MKLN1: variants seen among roughly 807,000 people sequenced by gnomAD.
MKLN1 encodes the protein muskelin.
MKLN1 carries 18 observed loss-of-function variants against 99.0 expected under a neutral mutation model. The ratio of observed to expected loss-of-function variants is 0.18; its 90% CI spans 0.13 to 0.27. The LOEUF is 0.27. Ranked by LOEUF, MKLN1 falls within the 10% of genes least tolerant of loss-of-function variation. The probability of loss-of-function intolerance (pLI) is 1.00; values close to 1 mark genes in which losing one functional copy is unlikely to be tolerated. For synonymous variants in MKLN1, 288 were observed against 293.2 expected (o/e 0.98, Z 0.18); for missense variants, 621 against 875.9 (o/e 0.71, Z 3.67).
At chr7:131,172,720 T>G (rs1340523451) in intron 2 of MKLN1, among the ~76,000 whole-genome samples, 1 of 152,224 alleles carries the variant, frequency 6.6e-6, no homozygotes, top group Non-Finnish European at 1.5e-5. Flanking sequence ...AACTGTCTCC[T>G]ATAGTAACTG....
At chr7:131,377,582 GA>G (rs749891731) in intron 2 of MKLN1, among the ~76,000 whole-genome samples, 1 of 151,846 alleles carries the variant, frequency 6.6e-6, no homozygotes, top group Non-Finnish European at 1.5e-5. Flanking sequence ...GATCTTTTCT[GA>G]AAAAAGGAAA....
chr7:131,423,144 C>T (rs1299678653), intron 8 of MKLN1, among the ~76,000 whole-genome samples: 1 of 152,050 alleles, frequency 6.6e-6, no homozygotes, highest in African/African-American at 2.4e-5. Context: ...TGAGAACCTA[C>T]GATTTAAGCC....
At chr7:131,417,332 G>A (rs994032830) in intron 8 of MKLN1, among the ~76,000 whole-genome samples, 1 of 152,168 alleles carries the variant, frequency 6.6e-6, no homozygotes, top group Non-Finnish European at 1.5e-5. Flanking sequence ...GAGCCATTTT[G>A]TACCTATTTG....
intron 2 of MKLN1, among the ~76,000 whole-genome samples, chr7:131,172,008 G>C (rs1481021990): frequency 6.6e-6 from 1 of 152,214 alleles, no homozygotes; most frequent in African/African-American, 2.4e-5. Flanking sequence ...GCCAGGTGGA[G>C]AAGAGCTGTT....
chr7:131,399,262 C>T lies in MKLN1; in HGVS notation c.532C>T (p.Arg178Cys). The T allele has an allele frequency of 3.7e-6, 6 of 1,613,898 alleles. No homozygotes were observed. The highest frequency in any genetic ancestry group is 1.3e-5 in the African/African-American group (1 of 75,016). ...YSKYREQEAI[R>C]LCLKHFRQHN... ...GTAGTACCGTGAACAGGAAGCTATT[C>T]GCCTTTGCCTAAAACACTTCAGACA... Residue 178 changes from arginine to cysteine, a missense_variant, in exon 6 of 18, where the codon CGC becomes TGC. Coordinates refer to ENST00000352689, the MANE Select transcript of MKLN1 (RefSeq NM_013255.5).
At chr7:131,464,166 T>A in intron 13 of MKLN1, 128 bp from the exon 14 acceptor site, 1 of 507,784 alleles carries the variant, frequency 2.0e-6, no homozygotes. Context: ...ACTAGAACTT[T>A]AAGATACGAT....
chr7:131,190,300 C>A (rs1796515701), intron 2 of MKLN1, among the ~76,000 whole-genome samples: 1 of 152,108 alleles, frequency 6.6e-6, no homozygotes, highest in Non-Finnish European at 1.5e-5. Flanking sequence ...TAAAGACATT[C>A]CTTCCTTCCT....
chr7:131,208,006 G>A (rs1439381515), intron 3 of MKLN1, among the ~76,000 whole-genome samples: 1 of 152,214 alleles, frequency 6.6e-6, no homozygotes. Context: ...GCCAAAAATG[G>A]AGGGAGGGGG....
chr7:131,169,040 G>T (rs1374724774), intron 2 of MKLN1, among the ~76,000 whole-genome samples: 1 of 152,068 alleles, frequency 6.6e-6, no homozygotes, highest in African/African-American at 2.4e-5. Context: ...GCTAATATTT[G>T]TATTTTTAGT....
intron 16 of MKLN1, 71 bp from the exon 17 acceptor site, chr7:131,478,552 G>GTTTTCCTTCA: frequency 3.5e-6 from 5 of 1,414,266 alleles, no homozygotes; most frequent in Non-Finnish European, 4.6e-6. Flanking sequence ...AGTTATAGAA[G>GTTTTCCTTCA]GCTATTTTCC....
At chr7:131,252,324 C>CTTTTATT (rs1797594464) in intron 3 of MKLN1, among the ~76,000 whole-genome samples, 2 of 87,142 alleles carry the variant, frequency 2.3e-5, no homozygotes, top group African/African-American at 3.5e-5. Context: ...GGACTTTTTT[C>CTTTTATT]TTTTCTTTTT....
At chr7:131,275,567 ATTTTTTTTTTT>A (rs869119196) in intron 3 of MKLN1, among the ~76,000 whole-genome samples, 36 of 5,610 alleles carry the variant, frequency 6.4e-3, no homozygotes, top group East Asian at 0.011. Flanking sequence ...ATATATATAT[ATTTTTTTTTTT>A]TTTTTTTTTT....
chr7:131,310,189 G>T (rs1798541002), intron 3 of MKLN1: 1 of 152,198 alleles, frequency 6.6e-6, no homozygotes, highest in South Asian at 2.1e-4. Context: ...AGCTACTTGT[G>T]GCAATAGTAA....
chr7:131,433,277 T>C (rs1795579707), intron 9 of MKLN1, among the ~76,000 whole-genome samples: 1 of 152,174 alleles, frequency 6.6e-6, no homozygotes, highest in Non-Finnish European at 1.5e-5. Flanking sequence ...TTTCTTAGGA[T>C]TGGATTTAGA....
intron 3 of MKLN1, among the ~76,000 whole-genome samples, chr7:131,247,482 G>C (rs1797510115): frequency 6.6e-6 from 1 of 152,102 alleles, no homozygotes; most frequent in Non-Finnish European, 1.5e-5. Context: ...CCAAAGTGCT[G>C]GGATTACAGA....
At chr7:131,297,355 G>A (rs181848843) in intron 3 of MKLN1, among the ~76,000 whole-genome samples, 23 of 151,618 alleles carry the variant, frequency 1.5e-4, no homozygotes, top group Admixed American at 2.6e-4. Context: ...GCGAGACTCC[G>A]TCTCAAAAAA....
At chr7:131,417,297 A>C (rs941029835) in intron 8 of MKLN1, among the ~76,000 whole-genome samples, 53 of 152,320 alleles carry the variant, frequency 3.5e-4, no homozygotes, top group African/African-American at 1.2e-3. Context: ...CTGGGGAATT[A>C]TCCTGTTAGT....
chr7:131,324,552 C>T (rs1179451036), upstream of MKLN1: 4 of 152,148 alleles, frequency 2.6e-5, no homozygotes, highest in African/African-American at 4.8e-5. Context: ...GCAGCAGTTA[C>T]AAGTGGATTT....
chr7:131,477,298 G>A (rs763538563), intron 16 of MKLN1, among the ~76,000 whole-genome samples: 1 of 151,828 alleles, frequency 6.6e-6, no homozygotes, highest in Non-Finnish European at 1.5e-5. Context: ...AGTAATCCCA[G>A]CATTTTAGGA....
Sources: allele counts gnomAD v4.1 joint callset (sites outside exome capture counted in the v4.1 genomes callset), GRCh38; gene constraint gnomAD v4.1.1; transcripts MANE v1.5; gene names NCBI Gene and HGNC (gene_info 2026-07-23, HGNC 2026-07-21).